Variants in KLHL1 observed in about 807,000 individuals in gnomAD.
KLHL1 encodes the protein kelch like family member 1.
KLHL1 carries 47 observed loss-of-function variants against 77.7 expected under a neutral mutation model. That is an observed-to-expected ratio of 0.60 (90% CI 0.48 to 0.77). The LOEUF (loss-of-function observed/expected upper bound fraction) is 0.77. Among genes scored for constraint, KLHL1 ranks in the 30% least tolerant of loss-of-function variants. The pLI, the probability that KLHL1 is intolerant of heterozygous loss-of-function variation, is 0.00. For missense variants in KLHL1, 925 were observed against 910.8 expected (o/e 1.02, Z -0.20); for synonymous variants, 360 against 325.2 (o/e 1.11, Z -1.15).
intron 5 of KLHL1, among the ~76,000 whole-genome samples, chr13:69,848,571 A>T (rs561441919): frequency 2.6e-4 from 39 of 151,752 alleles, no homozygotes; most frequent in African/African-American, 9.4e-4. Flanking sequence ...ATTTATATTT[A>T]AAAATGAAAG....
intron 1 of KLHL1, among the ~76,000 whole-genome samples, chr13:70,089,947 T>C (rs1887634413): frequency 6.6e-6 from 1 of 152,116 alleles, no homozygotes; most frequent in African/African-American, 2.4e-5. Context: ...AAGCTAGTTA[T>C]GATATGTTGG....
At chr13:69,890,928 A>G (rs1019970821) in intron 4 of KLHL1, among the ~76,000 whole-genome samples, 7 of 152,046 alleles carry the variant, frequency 4.6e-5, no homozygotes, top group African/African-American at 1.4e-4. Flanking sequence ...TTTAATTAAT[A>G]TTATTCAAAT....
chr13:70,038,870 C>T (rs1418582335), intron 1 of KLHL1, among the ~76,000 whole-genome samples: 7 of 151,818 alleles, frequency 4.6e-5, no homozygotes, highest in African/African-American at 7.3e-5. Flanking sequence ...GGATTACAGG[C>T]GTGAGCCACT....
intron 2 of KLHL1, among the ~76,000 whole-genome samples, chr13:69,968,670 A>G (rs1219417741): frequency 2.6e-5 from 4 of 152,138 alleles, no homozygotes; most frequent in African/African-American, 9.7e-5. Context: ...CCTTAGAAAA[A>G]GGACAGACTG....
intron 5 of KLHL1, among the ~76,000 whole-genome samples, chr13:69,850,880 G>T (rs754553249): frequency 1.3e-5 from 2 of 151,502 alleles, no homozygotes; most frequent in Admixed American, 6.6e-5. Context: ...AACAATTTTC[G>T]CACTTTGTCT....
chr13:69,926,462 C>T (rs1011771827), intron 4 of KLHL1, among the ~76,000 whole-genome samples: 11 of 152,114 alleles, frequency 7.2e-5, no homozygotes, highest in Non-Finnish European at 1.5e-4. Context: ...TCGATTTCCT[C>T]ATAAAACATC....
At chr13:69,904,041 T>A (rs921403653) in intron 4 of KLHL1, among the ~76,000 whole-genome samples, 1 of 152,034 alleles carries the variant, frequency 6.6e-6, no homozygotes, top group African/African-American at 2.4e-5. Context: ...GTAAAATAAA[T>A]TTAACCTATA....
intron 3 of KLHL1, among the ~76,000 whole-genome samples, chr13:69,955,827 C>G (rs183429604): frequency 6.9e-6 from 1 of 145,702 alleles, no homozygotes; most frequent in Non-Finnish European, 1.5e-5. Flanking sequence ...TTGCTGTTAT[C>G]AAAAATTGTT....
chr13:69,804,318 AATAGTAATTAATGTTTGT>A (rs1877521483), intron 6 of KLHL1, among the ~76,000 whole-genome samples: 2 of 151,708 alleles, frequency 1.3e-5, no homozygotes, highest in South Asian at 4.2e-4. Context: ...GGGGGGGGGA[AATAGTAATTAATGTTTGT>A]ACACTCTAGT....
intron 6 of KLHL1, among the ~76,000 whole-genome samples, chr13:69,834,129 G>C (rs1878884635): frequency 6.6e-6 from 1 of 151,866 alleles, no homozygotes. Context: ...ACTACACATT[G>C]GGTATGGTGT....
At position 69,939,390 on chromosome 13, in the gene KLHL1, C is replaced by CACACACACACAT. The variant is rs1243271608; in HGVS notation, c.1014+649_1014+650insATGTGTGTGTGT. Among the ~76,000 whole-genome samples the CACACACACACAT allele has an allele frequency of 4.0e-3, 497 of 124,156 alleles. 12 individuals carry two copies. The highest frequency in any genetic ancestry group is 0.015 in the African/African-American group (464 of 30,410). 81.5% of individuals were successfully genotyped at this position (124,156 alleles called of 152,430 possible). On this transcript the variant is annotated intron_variant, in intron 4 of 10. Coordinates refer to ENST00000377844, the MANE Select transcript of KLHL1 (RefSeq NM_020866.3). ...ATATATATATATATACACACACACACGCACACACATACAGGGAATAAAAGG... is the reference window on the plus strand; with the variant it reads ...ATATATATATATATACACACACACACACACACACACATGCACACACATACAGGGAATAAAAGG...
At chr13:69,886,328 T>TA (rs1456045388) in intron 4 of KLHL1, among the ~76,000 whole-genome samples, 2 of 151,880 alleles carry the variant, frequency 1.3e-5, no homozygotes, top group South Asian at 2.1e-4. Flanking sequence ...TTTTTCTAGC[T>TA]AAAACAATGT....
At chr13:69,828,232 A>T (rs869113157) in intron 6 of KLHL1, among the ~76,000 whole-genome samples, 1 of 150,184 alleles carries the variant, frequency 6.7e-6, no homozygotes, top group African/African-American at 2.5e-5. Flanking sequence ...GAGAGGGGAA[A>T]GTCAGCCTCC....
chr13:70,106,760 C>T lies in KLHL1; in HGVS notation c.497+443G>A, dbSNP rs1245209138. On this transcript the variant is annotated intron_variant, in intron 1 of 10. Coordinates refer to ENST00000377844, the MANE Select transcript of KLHL1 (RefSeq NM_020866.3). ...CACCTCATTACTCCTGGAATAGATT[C>T]AAACCACAGGGACCTTAGATAATAT... Among the ~76,000 whole-genome samples the T allele has an allele frequency of 3.3e-5, 5 of 152,148 alleles. No homozygotes were observed. The East Asian group carries it at 9.6e-4, about 29-fold the overall frequency.
intron 6 of KLHL1, among the ~76,000 whole-genome samples, chr13:69,833,602 C>T (rs1009229577): frequency 6.6e-6 from 1 of 151,928 alleles, no homozygotes; most frequent in Non-Finnish European, 1.5e-5. Flanking sequence ...AATCCCAATA[C>T]TGGATATCTA....
chr13:69,778,674 A>G (rs1875959457), intron 7 of KLHL1, among the ~76,000 whole-genome samples: 1 of 152,132 alleles, frequency 6.6e-6, no homozygotes, highest in Non-Finnish European at 1.5e-5. Flanking sequence ...TGAATAAGAA[A>G]CAAGGCACAA....
chr13:70,040,709 T>G (rs979343835), intron 1 of KLHL1, among the ~76,000 whole-genome samples: 14 of 152,190 alleles, frequency 9.2e-5, no homozygotes, highest in Admixed American at 3.3e-4. Context: ...GGTTATTTTG[T>G]TTTAGATTCA....
chr13:70,019,657 A>G (rs934809346), intron 1 of KLHL1, among the ~76,000 whole-genome samples: 2 of 152,284 alleles, frequency 1.3e-5, no homozygotes, highest in East Asian at 3.9e-4. Flanking sequence ...ATTGAGCAAA[A>G]GAAAGGTAAA....
At chr13:69,945,452 T>G (rs1207819987) in intron 3 of KLHL1, among the ~76,000 whole-genome samples, 1 of 149,802 alleles carries the variant, frequency 6.7e-6, no homozygotes, top group African/African-American at 2.5e-5. Context: ...CTGCCTCTAG[T>G]TAAAAGAAAG....
Sources: gnomAD v4.1 joint callset for allele counts (sites outside exome capture counted in the v4.1 genomes callset) on GRCh38, gnomAD v4.1.1 for gene constraint, MANE v1.5 for transcripts, NCBI Gene and HGNC (gene_info 2026-07-23, HGNC 2026-07-21) for gene names.